The following PRKN variants were observed in gnomAD, a reference collection of about 807,000 sequenced individuals.
PRKN encodes parkin RBR E3 ubiquitin protein ligase.
In PRKN, 56 loss-of-function variants were observed where a neutral mutation model predicts 59.5. That is an observed-to-expected ratio of 0.94 (90% confidence interval 0.76 to 1.18). The LOEUF (loss-of-function observed/expected upper bound fraction) is 1.18. Among genes scored for constraint, PRKN ranks in the 50% most tolerant of loss-of-function variants. PRKN has a pLI of 0.00. For synonymous variants in PRKN, 250 were observed against 222.1 expected (o/e 1.13, Z -1.12); for missense variants, 657 against 596.4 (o/e 1.10, Z -1.06).
rs145731650 is a variant in PRKN at position 161,813,105 on chromosome 6, A to T, written c.735-27197T>A. On this transcript the variant is annotated intron_variant, in intron 6 of 11. Transcript: ENST00000366898. ...TGGAAGTTGGACTGAAGCAGGTGAG[A>T]GACTCGTAGCAGGAAGACCAGATGC... Among the ~76,000 whole-genome samples the T allele has an allele frequency of 6.9e-3, 1,047 of 152,344 alleles. 13 individuals are homozygous for T. Among genetic ancestry groups the T allele is most frequent in the African/African-American group, 0.024 (1,002 of 41,576 alleles).
intron 6 of PRKN, among the ~76,000 whole-genome samples, chr6:161,788,999 G>A (rs1013768173): frequency 2.0e-5 from 3 of 152,010 alleles, no homozygotes; most frequent in Admixed American, 6.6e-5. Flanking sequence ...ACACACACAC[G>A]CACATACACA....
intron 1 of PRKN, among the ~76,000 whole-genome samples, chr6:162,474,165 A>G (rs557127821): frequency 6.6e-6 from 1 of 152,352 alleles, no homozygotes; most frequent in South Asian, 2.1e-4. Context: ...AAATATTTAC[A>G]TAACATAGTA....
rs530089962 is a variant in PRKN at position 161,471,404 on chromosome 6, G to T, written c.1083+77450C>A. On this transcript the variant is annotated intron_variant, in intron 9 of 11. Transcript: ENST00000366898. The surrounding 1 kb of genome is among the most constrained non-coding windows in gnomAD (Gnocchi z 4.5). ...ATTCAAACTTATGAATATTCAATAA[G>T]TTCCCAGTATAATGTCAGCATTAGA... is the stretch of plus-strand genomic sequence containing the variant. Among the ~76,000 whole-genome samples the T allele has an allele frequency of 6.6e-6, 1 of 152,054 alleles. No individual in the cohort carries two copies. The highest frequency in any genetic ancestry group is 1.5e-5 in the Non-Finnish European group (1 of 68,014).
chr6:161,578,127 A>G lies in PRKN; in HGVS notation c.872-8711T>C, dbSNP rs1200766898. ...AGAGCCAAGTGAGCAGAGAGCAACC[A>G]AAGAGGTATAAAAAAAGAAAAAGAG... On this transcript the variant is annotated intron_variant, in intron 7 of 11. Transcript: ENST00000366898. The surrounding 1 kb of genome is among the most constrained non-coding windows in gnomAD (Gnocchi z 4.2). Among the ~76,000 whole-genome samples the G allele has an allele frequency of 6.6e-6, 1 of 152,114 alleles. No individual in the cohort carries two copies. The highest frequency in any genetic ancestry group is 1.5e-5 in the Non-Finnish European group (1 of 68,028).
At chr6:162,280,819 G>T (rs1401994904) in intron 2 of PRKN, among the ~76,000 whole-genome samples, 1 of 85,978 alleles carries the variant, frequency 1.2e-5, no homozygotes, top group Non-Finnish European at 2.3e-5. Flanking sequence ...AAAAAAAAAA[G>T]GCTAGAAGAC....
intron 4 of PRKN, among the ~76,000 whole-genome samples, chr6:162,159,598 C>A (rs912445755): frequency 6.6e-6 from 1 of 152,000 alleles, no homozygotes; most frequent in African/African-American, 2.4e-5. Context: ...TAGAAATTGA[C>A]AAGAAAGTTC....
At chr6:162,409,057 C>A (rs1788215372) in intron 2 of PRKN, among the ~76,000 whole-genome samples, 1 of 152,064 alleles carries the variant, frequency 6.6e-6, no homozygotes, top group South Asian at 2.1e-4. Flanking sequence ...GTTTCTTTCA[C>A]AAATAAAGGA....
intron 1 of PRKN, among the ~76,000 whole-genome samples, chr6:162,662,607 A>G (rs1778932845): frequency 6.6e-6 from 1 of 152,230 alleles, no homozygotes; most frequent in Non-Finnish European, 1.5e-5. Flanking sequence ...CATATGGTGA[A>G]AGGTGTGAGT....
intron 3 of PRKN, among the ~76,000 whole-genome samples, chr6:162,220,653 C>T (rs562180822): frequency 2.9e-4 from 44 of 151,784 alleles, no homozygotes; most frequent in African/African-American, 1.0e-3. Flanking sequence ...AATCAATCAA[C>T]GAAAAAAAAG....
chr6:161,885,689 T>G (rs1795122144), intron 6 of PRKN, among the ~76,000 whole-genome samples: 1 of 139,004 alleles, frequency 7.2e-6, no homozygotes, highest in Admixed American at 7.2e-5. Flanking sequence ...AAAAAGAATG[T>G]CTGAGCCCTC....
intron 2 of PRKN, among the ~76,000 whole-genome samples, chr6:162,411,315 A>ATG (rs1241094133): frequency 6.6e-6 from 1 of 152,208 alleles, no homozygotes; most frequent in African/African-American, 2.4e-5. Context: ...CTTGAGATAC[A>ATG]TGTGTAGCTC....
intron 9 of PRKN, among the ~76,000 whole-genome samples, chr6:161,422,405 G>C (rs1234838784): frequency 6.6e-6 from 1 of 151,962 alleles, no homozygotes; most frequent in Admixed American, 6.6e-5. Context: ...CACCATGTTA[G>C]TCAGGCTGGT....
intron 6 of PRKN, among the ~76,000 whole-genome samples, chr6:161,948,038 T>A (rs757190925): frequency 2.0e-5 from 3 of 151,960 alleles, no homozygotes; most frequent in South Asian, 4.2e-4. Flanking sequence ...CAGGCTGGAG[T>A]GCAATGGTGT....
chr6:162,149,612 TTAAGAGCAAA>T (rs1281839440), intron 4 of PRKN, among the ~76,000 whole-genome samples: 5 of 152,126 alleles, frequency 3.3e-5, no homozygotes, highest in Non-Finnish European at 5.9e-5. Flanking sequence ...TCCTGTACTG[TTAAGAGCAAA>T]ATGAAGGTCT....
At position 162,074,730 on chromosome 6, in the gene PRKN, A is replaced by G. The variant is rs546606207; in HGVS notation, c.535-20556T>C. Among the ~76,000 whole-genome samples the G allele has an allele frequency of 1.2e-4, 19 of 152,322 alleles. No individual in the cohort carries two copies. The South Asian group carries it at 3.9e-3, about 32-fold the overall frequency. ...AGCTCCGCTGGGTTTTGACACAGTCAATCACCATCATTACTTACCGAGTCC... is the reference window on the plus strand; with the variant it reads ...AGCTCCGCTGGGTTTTGACACAGTCGATCACCATCATTACTTACCGAGTCC... On this transcript the variant is annotated intron_variant, in intron 4 of 11. Transcript: ENST00000366898.
chr6:161,656,138 G>A (rs1290658179), intron 7 of PRKN, among the ~76,000 whole-genome samples: 2 of 152,194 alleles, frequency 1.3e-5, no homozygotes, highest in Non-Finnish European at 2.9e-5. Flanking sequence ...ATATTAACTT[G>A]CGGGAAGATG....
chr6:162,297,915 C>T (rs1309321572), intron 2 of PRKN, among the ~76,000 whole-genome samples: 2 of 152,156 alleles, frequency 1.3e-5, no homozygotes, highest in Non-Finnish European at 2.9e-5. Context: ...CAAGTATGTT[C>T]ATGTCAGTAG....
chr6:161,374,264 AGTGT>A (rs1291938979), intron 10 of PRKN, among the ~76,000 whole-genome samples: 1 of 150,544 alleles, frequency 6.6e-6, no homozygotes, highest in African/African-American at 2.4e-5. Flanking sequence ...CTGTATGTGC[AGTGT>A]GTGTGGTGTG....
In PRKN at chr6:161,871,648, C is replaced by A. The variant is rs77579759; in HGVS notation, c.735-85740G>T. Among the ~76,000 whole-genome samples the A allele has an allele frequency of 9.0e-3, 1,368 of 152,250 alleles. 14 individuals carry two copies. The highest frequency in any genetic ancestry group is 0.032 in the African/African-American group (1,317 of 41,552). On this transcript the variant is annotated intron_variant, in intron 6 of 11. Coordinates refer to ENST00000366898, the MANE Select transcript of PRKN (RefSeq NM_004562.3). Reference sequence around the variant, plus strand: ...CCTTGCAGTTGGACAGCACAAAGCTCCCTGTACACACTTTTTAAAACATAA... The same window carrying A: ...CCTTGCAGTTGGACAGCACAAAGCTACCTGTACACACTTTTTAAAACATAA...
Sources: gnomAD v4.1 joint callset for allele counts (sites outside exome capture counted in the v4.1 genomes callset) on GRCh38, gnomAD v4.1.1 for gene constraint, Gnocchi (gnomAD v3.1) non-coding constraint, MANE v1.5 for transcripts, NCBI Gene and HGNC (gene_info 2026-07-23, HGNC 2026-07-21) for gene names.